Variants in POT1 observed in about 807,000 individuals in gnomAD.
POT1 encodes the protein protection of telomeres protein 1.
A neutral mutation model predicts 78.5 loss-of-function variants in POT1; 47 were observed. The ratio of observed to expected loss-of-function variants is 0.60; its 90% CI spans 0.47 to 0.76. The LOEUF (loss-of-function observed/expected upper bound fraction) is 0.76, where lower values mean the gene tolerates loss of function less well. Among genes scored for constraint, POT1 ranks in the 30% least tolerant of loss-of-function variants. POT1 has a pLI of 0.00. For synonymous variants in POT1, 259 were observed against 260.7 expected, an observed-to-expected ratio of 0.99 and a Z score of 0.06; for missense variants, 646 against 749.9, an observed-to-expected ratio of 0.86 and a Z score of 1.62.
chr7:124,908,538 T>C (rs2116678738), intron 3 of POT1, among the ~76,000 whole-genome samples: 2 of 152,076 alleles, frequency 1.3e-5, no homozygotes, highest in South Asian at 4.1e-4. Flanking sequence ...TATGCTATTC[T>C]CTCTTTGCAA....
chr7:124,902,118 G>A (rs973090804), intron 3 of POT1, among the ~76,000 whole-genome samples: 3 of 152,112 alleles, frequency 2.0e-5, no homozygotes, highest in East Asian at 1.9e-4. Flanking sequence ...TATTATCCAG[G>A]AGAACTTCTC....
chr7:124,873,165 C>A (rs1795910797), intron 6 of POT1, among the ~76,000 whole-genome samples: 2 of 152,076 alleles, frequency 1.3e-5, no homozygotes, highest in African/African-American at 4.8e-5. Context: ...TTGATACAAT[C>A]CCATTTGTCT....
At chr7:124,830,047 T>A (rs964567338) in intron 15 of POT1, among the ~76,000 whole-genome samples, 7 of 152,236 alleles carry the variant, frequency 4.6e-5, no homozygotes, top group African/African-American at 1.7e-4. Context: ...ATATGGCCAA[T>A]AGAGAAAAAT....
intron 6 of POT1, among the ~76,000 whole-genome samples, chr7:124,888,688 T>C (rs149654002): frequency 1.3e-3 from 191 of 152,152 alleles, no homozygotes; most frequent in African/African-American, 4.4e-3. Context: ...TTTGCAACAG[T>C]ATGTGCGTCT....
chr7:124,874,486 C>A (rs1174560739), intron 6 of POT1, among the ~76,000 whole-genome samples: 1 of 152,082 alleles, frequency 6.6e-6, no homozygotes, highest in Non-Finnish European at 1.5e-5. Context: ...GTAATCCTAG[C>A]ACTTTGGGAG....
At chr7:124,862,753 AG>A (rs753920318) in intron 8 of POT1, among the ~76,000 whole-genome samples, 6 of 152,200 alleles carry the variant, frequency 3.9e-5, no homozygotes, top group Non-Finnish European at 2.9e-5. Flanking sequence ...TATCCTCCAT[AG>A]GATGTCCAGG....
chr7:124,825,667 G>C (rs1302634652), intron 17 of POT1, among the ~76,000 whole-genome samples: 4 of 152,018 alleles, frequency 2.6e-5, no homozygotes, highest in African/African-American at 7.2e-5. Context: ...AAAATCTTGT[G>C]CTAAGCTTAA....
intron 3 of POT1, among the ~76,000 whole-genome samples, chr7:124,902,888 A>C (rs920143429): frequency 6.6e-6 from 1 of 152,210 alleles, no homozygotes; most frequent in Non-Finnish European, 1.5e-5. Flanking sequence ...GTCTCTGATA[A>C]AACAGACTTT....
intron 6 of POT1, among the ~76,000 whole-genome samples, chr7:124,873,318 A>G (rs1302444963): frequency 6.6e-6 from 1 of 152,204 alleles, no homozygotes; most frequent in Non-Finnish European, 1.5e-5. Context: ...GTCTTGATAC[A>G]GATCTTAGAG....
chr7:124,862,636 T>C (rs1487541357), intron 8 of POT1, among the ~76,000 whole-genome samples: 1 of 152,184 alleles, frequency 6.6e-6, no homozygotes, highest in Non-Finnish European at 1.5e-5. Flanking sequence ...CTAAACTCCA[T>C]GACTTGTCCA....
chr7:124,883,527 A>T (rs1453458979), intron 6 of POT1, among the ~76,000 whole-genome samples: 2 of 152,220 alleles, frequency 1.3e-5, no homozygotes, highest in Non-Finnish European at 2.9e-5. Context: ...CGAAATACAA[A>T]ACTATATATT....
chr7:124,897,982 C>T (rs10228682), intron 4 of POT1, among the ~76,000 whole-genome samples: 91,197 of 151,652 alleles, frequency 0.6, 27,544 homozygotes, highest in African/African-American at 0.65. Context: ...TGCCTGATGG[C>T]ATAATCACAA....
chr7:124,860,228 T>C (rs1407340459), intron 8 of POT1, among the ~76,000 whole-genome samples: 1 of 152,112 alleles, frequency 6.6e-6, no homozygotes. Flanking sequence ...GCTATGTACA[T>C]ATACATTTTT....
At chr7:124,929,194 T>C (rs1195284708) in intron 1 of POT1, among the ~76,000 whole-genome samples, 195 bp from the exon 2 acceptor site, 1 of 152,310 alleles carries the variant, frequency 6.6e-6, no homozygotes, top group East Asian at 1.9e-4. Flanking sequence ...AACTTAACCA[T>C]TTTCTACTTA....
chr7:124,902,696 G>A (rs1291903684), intron 3 of POT1, among the ~76,000 whole-genome samples: 1 of 152,118 alleles, frequency 6.6e-6, no homozygotes, highest in Non-Finnish European at 1.5e-5. Flanking sequence ...AAATGTAAAT[G>A]GGCTAAATGC....
At chr7:124,843,855 G>C (rs1214883688) in intron 12 of POT1, among the ~76,000 whole-genome samples, 2 of 152,158 alleles carry the variant, frequency 1.3e-5, no homozygotes, top group Non-Finnish European at 2.9e-5. Flanking sequence ...TGTTGAATTA[G>C]TTTTCCTTCA....
At chr7:124,922,728 A>T (rs933246007) in intron 2 of POT1, among the ~76,000 whole-genome samples, 2 of 152,112 alleles carry the variant, frequency 1.3e-5, no homozygotes, top group Middle Eastern at 6.8e-3. Context: ...AGAACAAAAA[A>T]CAGGCAAAAC....
intron 16 of POT1, chr7:124,829,003 G>C (rs753184123): frequency 7.3e-6 from 5 of 688,972 alleles, no homozygotes; most frequent in South Asian, 6.8e-5. Context: ...AAAGTGGAAT[G>C]CTTACTGAGG....
Position 124,926,860 on chromosome 7 carries a change from T to C in POT1, c.-227+1955A>G, listed in dbSNP as rs143161902. 5.1e-3 allele frequency among the ~76,000 whole-genome samples: 774 copies of C among 152,236 alleles called. 9 individuals carry two copies. Among genetic ancestry groups the C allele is most frequent in the African/African-American group, 0.017 (711 of 41,550 alleles). ...AATACTGCATGTTCTCACTCAAAAA[T>C]GTGAACTAAATAATGTGTACACACA... On this transcript the variant is annotated intron_variant, in intron 2 of 18. Transcript: ENST00000357628.
Sources: allele counts gnomAD v4.1 joint callset (sites outside exome capture counted in the v4.1 genomes callset), GRCh38; gene constraint gnomAD v4.1.1; transcripts MANE v1.5; gene names NCBI Gene and HGNC (gene_info 2026-07-23, HGNC 2026-07-21).